Variants in CDH23 observed in about 807,000 individuals in gnomAD.
The protein encoded by CDH23 is cadherin related 23.
CDH23 carries 189 observed loss-of-function variants against 317.1 expected under a neutral mutation model. The observed-to-expected ratio is 0.60, with a 90% CI of 0.53 to 0.67. CDH23 has a LOEUF of 0.67. Among genes scored for constraint, CDH23 ranks in the 30% least tolerant of loss-of-function variants. The pLI is 0.00. For synonymous variants in CDH23, 1,839 were observed against 1,876.8 expected, an observed-to-expected ratio of 0.98 and a Z score of 0.52; for missense variants, 4,401 against 4,592.4, an observed-to-expected ratio of 0.96 and a Z score of 1.20.
chr10:71,741,849 G>T lies in CDH23; in HGVS notation c.4773G>T (p.Pro1591=). ...ISGEIATRPA[P]PDRERQSFYH... ...GTGAGATCGCCACACGGCCTGCCCCGCCTGACCGCGAGCGCCAGAGCTTCT... is the reference window on the plus strand; with the variant it reads ...GTGAGATCGCCACACGGCCTGCCCCTCCTGACCGCGAGCGCCAGAGCTTCT... Residue 1591 remains proline (P), a synonymous_variant, in exon 38 of 70, where the codon CCG becomes CCT. Transcript: ENST00000224721. 1.2e-6 allele frequency: 2 copies of T among 1,610,920 alleles called. No homozygotes were observed. The highest frequency in any genetic ancestry group is 1.7e-6 in the Non-Finnish European group (2 of 1,178,744).
intron 38 of CDH23, chr10:71,748,790 G>A (rs576786661): frequency 1.1e-3 from 167 of 152,812 alleles, no homozygotes; most frequent in Middle Eastern, 3.4e-3. Context: ...CTACCATCCC[G>A]GGCAACTCAG....
chr10:71,777,589 G>A, intron 38 of CDH23, 91 bp from the exon 39 acceptor site: 1 of 1,099,332 alleles, frequency 9.1e-7, no homozygotes, highest in Admixed American at 2.0e-5. Flanking sequence ...TGAGTCACAT[G>A]GAGTGAGTTC....
chr10:71,615,367 A>G, intron 9 of CDH23, 137 bp from the exon 10 acceptor site: 2 of 698,800 alleles, frequency 2.9e-6, no homozygotes, highest in South Asian at 1.5e-5. Flanking sequence ...CTCTTGAACC[A>G]GCATTCATTT....
At position 71,793,475 on chromosome 10, in the gene CDH23, G is replaced by T. The variant is rs370794439; in HGVS notation, c.6547G>T (p.Val2183Leu). The change falls in exon 48 of 70, where the codon GTG becomes TTG. Residue 2183 changes from valine to leucine, a missense_variant. Val to Leu is a conservative substitution (Grantham distance 32, BLOSUM62 1). This residue lies in a region of CDH23 where 3,068 missense variants were observed against 3,203.3 expected (regional missense o/e 0.96). Coordinates refer to ENST00000224721, the MANE Select transcript of CDH23 (RefSeq NM_022124.6). ...EFLNPIQTVS[V>L]LESAEPGTVI... is the part of the protein sequence containing the mutation. ...CCTCAACCCCATCCAGACAGTGAGC[G>T]TGCTGGAGTCGGCTGAGCCAGGCAC... The T allele has an allele frequency of 6.2e-7, 1 of 1,613,864 alleles. No individual in the cohort carries two copies. Among genetic ancestry groups the T allele is most frequent in the African/African-American group, 1.3e-5 (1 of 74,912 alleles).
chr10:71,525,194 A>T (rs934764434), intron 6 of CDH23, among the ~76,000 whole-genome samples: 1 of 152,252 alleles, frequency 6.6e-6, no homozygotes, highest in African/African-American at 2.4e-5. Context: ...GGCGTGAGCC[A>T]CTGTGCCCGG....
chr10:71,706,886 C>G lies in CDH23; in HGVS notation c.2954-11C>G. 1.3e-6 allele frequency: 2 copies of G among 1,588,578 alleles called. No homozygotes were observed. The highest frequency in any genetic ancestry group is 1.1e-5 in the South Asian group (1 of 87,158). On this transcript the variant is annotated splice_polypyrimidine_tract_variant and intron_variant, in intron 25 of 69. Transcript: ENST00000224721. ...GCCAGGCCTAGCCCCGGCGCCCGTT[C>G]TGCCCCGCAGTGCTGGATGTGAACG...
intron 1 of CDH23, among the ~76,000 whole-genome samples, chr10:71,408,678 G>A (rs370677240): frequency 6.6e-6 from 1 of 152,200 alleles, no homozygotes; most frequent in African/African-American, 2.4e-5. Flanking sequence ...AGCTCAGGCC[G>A]GAAGAAGGGA....
chr10:71,540,176 G>T (rs1589183601), intron 6 of CDH23, among the ~76,000 whole-genome samples: 1 of 152,194 alleles, frequency 6.6e-6, no homozygotes, highest in Non-Finnish European at 1.5e-5. Context: ...TAGGGGGATG[G>T]AGCTGGAGGG....
At chr10:71,683,160 C>T (rs755215855) in intron 18 of CDH23, among the ~76,000 whole-genome samples, 20 of 152,196 alleles carry the variant, frequency 1.3e-4, no homozygotes, top group Non-Finnish European at 2.1e-4. Context: ...CAATGCCACA[C>T]GGGGATGCAG....
chr10:71,458,746 A>G (rs1850820864), intron 3 of CDH23, among the ~76,000 whole-genome samples: 1 of 152,224 alleles, frequency 6.6e-6, no homozygotes, highest in Admixed American at 6.5e-5. Context: ...TAAGTTAATT[A>G]AAGTAAAATT....
In CDH23 at chr10:71,645,924, C is replaced by T. The variant is rs374419277; in HGVS notation, c.1234C>T (p.Arg412Cys). The change falls in exon 13 of 70, where the codon CGT becomes TGT. Residue 412 changes from arginine to cysteine, a missense_variant. Physicochemically the swap from Arg to Cys is radical, Grantham distance 180. This residue lies in a region of CDH23 where 3,068 missense variants were observed against 3,203.3 expected (regional missense o/e 0.96). Transcript: ENST00000224721. ...CTCCGTCCAGGGGAAGGCGGACATTCGTATTCGGGTGGCCATCCCACTGGA... is the reference window on the plus strand; with the variant it reads ...CTCCGTCCAGGGGAAGGCGGACATTTGTATTCGGGTGGCCATCCCACTGGA... ...PTSVQGKADI[R>C]IRVAIPLDYE... 23 of 1,613,522 alleles carry T rather than the reference C, an allele frequency of 1.4e-5. No individual in the cohort carries two copies. The highest frequency in any genetic ancestry group is 1.3e-4 in the East Asian group (6 of 44,896).
intron 6 of CDH23, among the ~76,000 whole-genome samples, chr10:71,525,501 C>T (rs567824995): frequency 3.3e-5 from 5 of 152,230 alleles, no homozygotes; most frequent in South Asian, 4.1e-4. Flanking sequence ...GAACAATCCA[C>T]GAGGGCCAGC....
At chr10:71,477,365 C>T (rs1173308803) in intron 3 of CDH23, among the ~76,000 whole-genome samples, 2 of 152,180 alleles carry the variant, frequency 1.3e-5, no homozygotes, top group Non-Finnish European at 2.9e-5. Flanking sequence ...GATGGGATTT[C>T]ACCATGTTGG....
chr10:71,732,227 A>G lies in CDH23; in HGVS notation c.3956A>G (p.Glu1319Gly). Residue 1319 changes from glutamate (E) to glycine (G), a missense_variant, in exon 32 of 70, where the codon GAG becomes GGG. This residue lies in a region of CDH23 where 3,068 missense variants were observed against 3,203.3 expected (regional missense o/e 0.96). Transcript: ENST00000224721. ...EAVQFSNASYEAAILENLALG... is the reference protein window; with the variant it reads ...EAVQFSNASYGAAILENLALG... ...GTGCAGTTCTCCAATGCCTCATACG[A>G]GGCTGCCATCCTGGAGAATCTGGCA... is the stretch of plus-strand genomic sequence containing the variant. 6.2e-7 allele frequency: 1 copy of G among 1,613,754 alleles called. No homozygotes were observed. The highest frequency in any genetic ancestry group is 8.5e-7 in the Non-Finnish European group (1 of 1,179,744).
At chr10:71,440,400 G>T (rs1424635727) in intron 2 of CDH23, among the ~76,000 whole-genome samples, 2 of 152,224 alleles carry the variant, frequency 1.3e-5, no homozygotes, top group Non-Finnish European at 2.9e-5. Context: ...GGTAATGAAA[G>T]ATGGGCGCGG....
At chr10:71,766,065 C>T (rs1840536315) in intron 38 of CDH23, among the ~76,000 whole-genome samples, 1 of 152,242 alleles carries the variant, frequency 6.6e-6, no homozygotes, top group African/African-American at 2.4e-5. Flanking sequence ...GGGGCCTGCA[C>T]GTGCCCCGCG....
At chr10:71,621,067 T>C (rs1564692414) in intron 11 of CDH23, among the ~76,000 whole-genome samples, 1 of 152,196 alleles carries the variant, frequency 6.6e-6, no homozygotes, top group South Asian at 2.1e-4. Flanking sequence ...AAAGAAGGAC[T>C]GCAAAAGCAG....
intron 6 of CDH23, among the ~76,000 whole-genome samples, chr10:71,519,223 C>A (rs1286383886): frequency 6.6e-6 from 1 of 152,162 alleles, no homozygotes; most frequent in East Asian, 1.9e-4. Flanking sequence ...CACCGGAACA[C>A]CTTTTATTGT....
At chr10:71,761,725 G>T in intron 38 of CDH23, 1 of 1,614,132 alleles carries the variant, frequency 6.2e-7, no homozygotes, top group Non-Finnish European at 8.5e-7. Context: ...TGATGGAGAA[G>T]TTGCCATGGT....
Sources: gnomAD v4.1 joint callset for allele counts (sites outside exome capture counted in the v4.1 genomes callset) on GRCh38, gnomAD v4.1.1 for gene constraint, gnomAD v4.1.1 regional missense constraint, MANE v1.5 for transcripts, NCBI Gene and HGNC (gene_info 2026-07-23, HGNC 2026-07-21) for gene names.